The following LRP5 variants were observed in gnomAD, a reference collection of about 807,000 sequenced individuals.
The protein encoded by LRP5 is LDL receptor related protein 5, also known as low-density lipoprotein receptor-related protein 5.
Under a neutral mutation model 154.1 loss-of-function variants are expected in LRP5, and 62 were observed. That is an observed-to-expected ratio of 0.40 (90% CI 0.33 to 0.50). LRP5 has a LOEUF of 0.50. Ranked by LOEUF, LRP5 falls within the 20% of genes least tolerant of loss-of-function variation. The pLI is 0.55. For synonymous variants in LRP5, 966 were observed against 1,011.5 expected (o/e 0.96, Z 0.85); for missense variants, 1,915 against 2,336.7 (o/e 0.82, Z 3.72).
rs1285364397 is a variant in LRP5, at chr11:68,312,739, C to T, written c.25C>T (p.Pro9Ser). The T allele has an allele frequency of 3.8e-6, 4 of 1,063,058 alleles. No individual in the cohort carries two copies. In the East Asian group the frequency reaches 2.8e-4, roughly 75 times the overall value. 65.9% of individuals were successfully genotyped at this position (1,063,058 alleles called of 1,614,324 possible). ...CATGGAGGCAGCGCCGCCCGGGCCG[C>T]CGTGGCCGCTGCTGCTGCTGCTGCT... MEAAPPGPPWPLLLLLLLL... is the reference protein window; with the variant it reads MEAAPPGPSWPLLLLLLLL... The change falls in exon 1 of 23, where the codon CCG (proline) becomes TCG (serine). Residue 9 changes from proline (P) to serine (S), a missense_variant. Pro to Ser is a moderately conservative substitution (Grantham distance 74). This residue lies in a region of LRP5 where 48 missense variants were observed against 25.7 expected (regional missense o/e 1.87). Coordinates refer to ENST00000294304, the MANE Select transcript of LRP5 (RefSeq NM_002335.4).
intron 5 of LRP5, among the ~76,000 whole-genome samples, chr11:68,378,080 G>A (rs2098638351): frequency 6.6e-6 from 1 of 152,246 alleles, no homozygotes. Flanking sequence ...AGGGATGGCC[G>A]GGGCCCTGCG....
At position 68,439,918 on chromosome 11, in the gene LRP5, T is replaced by TGAGGGGCGGGGCCGGG. The variant is rs759510890; in HGVS notation, c.4488+15_4488+30dup. On this transcript the variant is annotated splice_region_variant and intron_variant, in intron 21 of 22. Transcript: ENST00000294304. ...ACGAAGGCCACGCTGTACCCGCCGG[T>TGAGGGGCGGGGCCGGG]GAGGGGCGGGGCCGGGGAGGGGCGG... 1 of 1,474,196 alleles carries TGAGGGGCGGGGCCGGG rather than the reference T, an allele frequency of 6.8e-7. No homozygotes were observed. Among genetic ancestry groups the TGAGGGGCGGGGCCGGG allele is most frequent in the East Asian group, 2.6e-5 (1 of 37,766 alleles). 91.3% of individuals were successfully genotyped at this position (1,474,196 alleles called of 1,614,324 possible).
At chr11:68,328,328 A>G (rs1255655773) in intron 1 of LRP5, among the ~76,000 whole-genome samples, 3 of 152,226 alleles carry the variant, frequency 2.0e-5, no homozygotes, top group Non-Finnish European at 4.4e-5. Context: ...CTTTATTATT[A>G]TTATTTTTTC....
chr11:68,420,965 G>A (rs923366611), intron 13 of LRP5, among the ~76,000 whole-genome samples: 3 of 152,074 alleles, frequency 2.0e-5, no homozygotes, highest in East Asian at 1.9e-4. Context: ...GGTGGCTCAC[G>A]CCTGTAATCC....
chr11:68,313,348 C>G (rs552955105), intron 1 of LRP5, among the ~76,000 whole-genome samples: 1 of 152,232 alleles, frequency 6.6e-6, no homozygotes, highest in South Asian at 2.1e-4. Flanking sequence ...GGTTTCCAAG[C>G]GGACTGACAC....
chr11:68,426,276 G>T (rs1293685007), intron 16 of LRP5, 89 bp downstream of exon 16: 5 of 1,145,342 alleles, frequency 4.4e-6, no homozygotes, highest in Non-Finnish European at 5.0e-6. Flanking sequence ...ATCCTGTGTG[G>T]CCTCAGCCAG....
At chr11:68,305,360 C>T in the LRP5 span, among the ~76,000 whole-genome samples, 5 of 151,954 alleles carry the variant, frequency 3.3e-5, no homozygotes, top group African/African-American at 4.8e-5. Context: ...CAAGCAGATG[C>T]CGGCACCATG....
At chr11:68,440,374 G>A (rs548406447) in intron 21 of LRP5, among the ~76,000 whole-genome samples, 13 of 152,292 alleles carry the variant, frequency 8.5e-5, no homozygotes, top group African/African-American at 2.6e-4. Context: ...GGTGATTTTC[G>A]TGGCTAAAAT....
chr11:68,332,581 A>G (rs2098603504), intron 1 of LRP5, among the ~76,000 whole-genome samples: 1 of 152,218 alleles, frequency 6.6e-6, no homozygotes, highest in Admixed American at 6.5e-5. Context: ...GGTCACATTC[A>G]GCCAAGTATT....
At chr11:68,317,143 C>A (rs930944143) in intron 1 of LRP5, among the ~76,000 whole-genome samples, 1 of 152,194 alleles carries the variant, frequency 6.6e-6, no homozygotes, top group Non-Finnish European at 1.5e-5. Context: ...TGCTACGAGC[C>A]GGCCTCAGGG....
rs192147801 is a variant in LRP5 at position 68,402,968 on chromosome 11, G to C, written c.1585-515G>C. On this transcript the variant is annotated intron_variant, in intron 7 of 22. Coordinates refer to ENST00000294304, the MANE Select transcript of LRP5 (RefSeq NM_002335.4). ...GCATCCTAGTGAAAACATCATGGCC[G>C]GGCGCGGTGGCTCACGCCTGGAATC... Among the ~76,000 whole-genome samples, 550 of 152,310 alleles carry C rather than the reference G, an allele frequency of 3.6e-3. 6 individuals are homozygous for C. The highest frequency in any genetic ancestry group is 0.013 in the African/African-American group (526 of 41,572).
chr11:68,437,366 G>T lies in LRP5; in HGVS notation c.4111+367G>T, dbSNP rs541804932. 2.4e-4 allele frequency among the ~76,000 whole-genome samples: 36 copies of T among 152,346 alleles called. No individual in the cohort carries two copies. The South Asian group carries it at 7.2e-3, about 31-fold the overall frequency. On this transcript the variant is annotated intron_variant, in intron 19 of 22. Coordinates refer to ENST00000294304, the MANE Select transcript of LRP5 (RefSeq NM_002335.4). ...GCTTACTGTCTGGCTGAGGAGGAGTGATGTTCACATATGCACACATGTCAT... is the reference window on the plus strand; with the variant it reads ...GCTTACTGTCTGGCTGAGGAGGAGTTATGTTCACATATGCACACATGTCAT...
chr11:68,331,637 C>T (rs1228015259), intron 1 of LRP5, among the ~76,000 whole-genome samples: 5 of 152,352 alleles, frequency 3.3e-5, no homozygotes, highest in East Asian at 1.9e-4. Context: ...CACCCCCAAA[C>T]GTGCCCCCTG....
intron 11 of LRP5, among the ~76,000 whole-genome samples, chr11:68,412,162 A>G (rs922086868): frequency 6.6e-6 from 1 of 152,208 alleles, no homozygotes; most frequent in African/African-American, 2.4e-5. Context: ...GAAGTTTGAA[A>G]AAAACCTATC....
At chr11:68,370,471 T>C (rs530746526) in intron 5 of LRP5, among the ~76,000 whole-genome samples, 1 of 152,212 alleles carries the variant, frequency 6.6e-6, no homozygotes, top group African/African-American at 2.4e-5. Flanking sequence ...CTGGTGGCTC[T>C]GGCCCCAGCC....
intron 1 of LRP5, among the ~76,000 whole-genome samples, chr11:68,325,605 C>T (rs764459853): frequency 2.3e-4 from 35 of 152,190 alleles, no homozygotes; most frequent in Non-Finnish European, 4.0e-4. Flanking sequence ...TCCCCTACCC[C>T]GAGGTTTGCT....
At chr11:68,427,143 A>G (rs630225) in intron 16 of LRP5, among the ~76,000 whole-genome samples, 1 of 151,962 alleles carries the variant, frequency 6.6e-6, no homozygotes, top group Non-Finnish European at 1.5e-5. Flanking sequence ...AATAACCTTA[A>G]TCACATCTGC....
chr11:68,386,013 C>A lies in LRP5; in HGVS notation c.1016-303C>A, dbSNP rs1321278265. Among the ~76,000 whole-genome samples the A allele has an allele frequency of 6.6e-6, 1 of 152,130 alleles. No homozygotes were observed. Among genetic ancestry groups the A allele is most frequent in the African/African-American group, 2.4e-5 (1 of 41,438 alleles). On this transcript the variant is annotated intron_variant, in intron 5 of 22. Transcript: ENST00000294304. The surrounding 1 kb of genome is among the most constrained non-coding windows in gnomAD (Gnocchi z 7.9). ...AGGGGGACTGTGAGGCAGCTCCCAC[C>A]CAGCAGCTGAAGCCCAATGGCCTGG...
At chr11:68,319,079 T>C (rs2098595218) in intron 1 of LRP5, among the ~76,000 whole-genome samples, 1 of 148,044 alleles carries the variant, frequency 6.8e-6, no homozygotes, top group Non-Finnish European at 1.5e-5. Flanking sequence ...CTTGTTTTTT[T>C]TTTTTTTTTT....
Sources: gnomAD v4.1 joint callset for allele counts (sites outside exome capture counted in the v4.1 genomes callset) on GRCh38, gnomAD v4.1.1 for gene constraint, gnomAD v4.1.1 regional missense constraint, Gnocchi (gnomAD v3.1) non-coding constraint, MANE v1.5 for transcripts, NCBI Gene and HGNC (gene_info 2026-07-23, HGNC 2026-07-21) for gene names.